Variants in CORIN observed in about 807,000 individuals in gnomAD.
CORIN encodes atrial natriuretic peptide-converting enzyme.
A neutral mutation model predicts 125.3 loss-of-function variants in CORIN; 117 were observed. That is an observed-to-expected ratio of 0.93 (90% CI 0.80 to 1.09). The LOEUF (loss-of-function observed/expected upper bound fraction) is 1.09. CORIN is among the 50% of genes least tolerant of loss of function. The pLI is 0.00. For synonymous variants in CORIN, 450 were observed against 466.4 expected (o/e 0.96, Z 0.45); for missense variants, 1,253 against 1,306.7 (o/e 0.96, Z 0.63).
intron 4 of CORIN, 42 bp downstream of exon 4, chr4:47,763,337 A>G (rs1257637052): frequency 6.5e-7 from 1 of 1,527,510 alleles, no homozygotes; most frequent in African/African-American, 1.4e-5. Context: ...CACTTCTGCT[A>G]TAACCAACTC....
chr4:47,827,188 T>A (rs1732772825), intron 1 of CORIN, among the ~76,000 whole-genome samples: 1 of 152,136 alleles, frequency 6.6e-6, no homozygotes, highest in East Asian at 1.9e-4. Context: ...GCCTTACTTA[T>A]AAGAGAGCCC....
At chr4:47,835,904 T>C (rs1202753020) in intron 1 of CORIN, among the ~76,000 whole-genome samples, 1 of 152,202 alleles carries the variant, frequency 6.6e-6, no homozygotes. Flanking sequence ...ATAGAGCAAT[T>C]CTTGGTGTGT....
At chr4:47,619,862 A>G (rs562621853) in intron 19 of CORIN, among the ~76,000 whole-genome samples, 3 of 152,360 alleles carry the variant, frequency 2.0e-5, no homozygotes, top group African/African-American at 7.2e-5. Flanking sequence ...TCTTATTACC[A>G]TGGAGTTACA....
intron 16 of CORIN, among the ~76,000 whole-genome samples, chr4:47,632,944 C>A (rs530953544): frequency 1.3e-5 from 2 of 152,210 alleles, no homozygotes; most frequent in East Asian, 3.9e-4. Context: ...CCACGCCCGG[C>A]TAATTTTTGT....
At chr4:47,714,654 C>T (rs542349437) in intron 5 of CORIN, among the ~76,000 whole-genome samples, 2 of 152,298 alleles carry the variant, frequency 1.3e-5, no homozygotes, top group Admixed American at 6.5e-5. Context: ...TCAACTACAC[C>T]AATGTGGAGC....
At chr4:47,671,852 G>A (rs1724777953) in intron 10 of CORIN, among the ~76,000 whole-genome samples, 1 of 152,108 alleles carries the variant, frequency 6.6e-6, no homozygotes, top group South Asian at 2.1e-4. Flanking sequence ...GCCTCCCAAA[G>A]TGCTGGGATT....
At chr4:47,820,936 A>T (rs922358743) in intron 1 of CORIN, among the ~76,000 whole-genome samples, 5 of 152,174 alleles carry the variant, frequency 3.3e-5, no homozygotes, top group African/African-American at 1.2e-4. Context: ...ATTTATGGCA[A>T]TGTGAAAAAT....
intron 10 of CORIN, among the ~76,000 whole-genome samples, chr4:47,673,571 T>A (rs1426353776): frequency 2.0e-5 from 3 of 152,084 alleles, no homozygotes; most frequent in Non-Finnish European, 4.4e-5. Context: ...CTGATTCCAT[T>A]TTCCATGAGA....
At chr4:47,674,324 C>T in intron 10 of CORIN, 69 bp downstream of exon 10, 1 of 1,069,476 alleles carries the variant, frequency 9.4e-7, no homozygotes, top group Non-Finnish European at 1.5e-6. Context: ...ATTTGAATGT[C>T]AATGCAGAAG....
intron 16 of CORIN, among the ~76,000 whole-genome samples, chr4:47,626,990 GTTGTTTTT>G (rs1359984665): frequency 8.0e-6 from 1 of 124,670 alleles, no homozygotes; most frequent in Non-Finnish European, 1.7e-5. Context: ...TGTTGTTGTT[GTTGTTTTT>G]TTTTTGATGA....
chr4:47,603,702 A>C (rs776898733), intron 19 of CORIN, 34 bp from the exon 20 acceptor site: 2 of 1,595,804 alleles, frequency 1.3e-6, no homozygotes, highest in Admixed American at 3.4e-5. Flanking sequence ...TTGGCATCTT[A>C]AACTCTAGTT....
Position 47,607,205 on chromosome 4 carries a change from G to A in CORIN, c.2541-3537C>T, listed in dbSNP as rs148256400. On this transcript the variant is annotated intron_variant, in intron 19 of 21. Coordinates refer to ENST00000273857, the MANE Select transcript of CORIN (RefSeq NM_006587.4). ...AGGCAGATCACGAGGTCAGGAGACCGAGACCATCCTGGCTAACGCGGTGAA... is the reference window on the plus strand; with the variant it reads ...AGGCAGATCACGAGGTCAGGAGACCAAGACCATCCTGGCTAACGCGGTGAA... Among the ~76,000 whole-genome samples, 340 of 152,178 alleles carry A rather than the reference G, an allele frequency of 2.2e-3. 3 individuals carry two copies. The highest frequency in any genetic ancestry group is 7.9e-3 in the African/African-American group (328 of 41,526).
Position 47,600,098 on chromosome 4 carries a change from G to T in CORIN, c.2946+116C>A. The T allele has an allele frequency of 3.4e-6, 3 of 884,774 alleles. No individual in the cohort carries two copies. In the South Asian group the frequency reaches 6.9e-5, roughly 20 times the overall value. The allele number at this position is 884,774 out of a possible 1,614,324, so 54.8% of individuals were successfully genotyped here. ...TGTGCTGTTAATAATTAAACATTTG[G>T]CAACAAATGATTTTCAAAAAATGTT... On this transcript the variant is annotated intron_variant, in intron 21 of 21. Transcript: ENST00000273857.
chr4:47,603,293 TCCCTG>T (rs1721519008), intron 20 of CORIN, 99 bp downstream of exon 20: 4 of 1,223,370 alleles, frequency 3.3e-6, no homozygotes, highest in Non-Finnish European at 1.1e-6. Context: ...GGCCTCCCCA[TCCCTG>T]CAGAACTGTG....
At chr4:47,753,040 T>G (rs183260537) in intron 4 of CORIN, among the ~76,000 whole-genome samples, 1 of 152,318 alleles carries the variant, frequency 6.6e-6, no homozygotes, top group East Asian at 1.9e-4. Flanking sequence ...CAATGTAGGT[T>G]CTTTCTATTT....
At chr4:47,674,641 G>A (rs746082141) in intron 9 of CORIN, 141 bp from the exon 10 acceptor site, 5 of 617,294 alleles carry the variant, frequency 8.1e-6, no homozygotes, top group African/African-American at 3.7e-5. Context: ...AGTATTGAAC[G>A]TACGTTGAAT....
Position 47,623,117 on chromosome 4 carries a change from T to TATATATATAC in CORIN, c.2540+453_2540+454insGTATATATAT, listed in dbSNP as rs141525347. On this transcript the variant is annotated intron_variant, in intron 19 of 21. Transcript: ENST00000273857. ...CTCTCTATATATATATATATATATA[T>TATATATATAC]ACACACACACACACACTCTCTCTGA... Among the ~76,000 whole-genome samples the TATATATATAC allele has an allele frequency of 6.4e-4, 86 of 134,512 alleles. 2 individuals carry two copies. Among genetic ancestry groups the TATATATATAC allele is most frequent in the African/African-American group, 2.2e-3 (70 of 32,414 alleles). 88.2% of individuals were successfully genotyped at this position (134,512 alleles called of 152,430 possible).
chr4:47,668,789 C>T (rs1724595968), intron 10 of CORIN, among the ~76,000 whole-genome samples: 1 of 152,048 alleles, frequency 6.6e-6, no homozygotes, highest in Admixed American at 6.5e-5. Context: ...TGTTTAGGAG[C>T]CAAGGAAAAG....
chr4:47,644,569 A>T (rs1236078522), intron 14 of CORIN, among the ~76,000 whole-genome samples: 1 of 152,190 alleles, frequency 6.6e-6, no homozygotes, highest in African/African-American at 2.4e-5. Context: ...AAATGTAGAA[A>T]AGATAGAAAA....
Sources: allele counts gnomAD v4.1 joint callset (sites outside exome capture counted in the v4.1 genomes callset), GRCh38; gene constraint gnomAD v4.1.1; transcripts MANE v1.5; gene names NCBI Gene and HGNC (gene_info 2026-07-23, HGNC 2026-07-21).